Variants in KMT5B observed in about 807,000 individuals in gnomAD.
KMT5B encodes the protein lysine methyltransferase 5B.
In KMT5B, 10 loss-of-function variants were observed where a neutral mutation model predicts 83.2. The observed-to-expected ratio is 0.12, with a 90% confidence interval of 0.07 to 0.20. KMT5B has a LOEUF of 0.20. KMT5B is among the 10% of genes least tolerant of loss of function. The pLI is 1.00. For missense variants in KMT5B, 753 were observed against 1,067.2 expected, an observed-to-expected ratio of 0.71 and a Z score of 4.10; for synonymous variants, 349 against 388.8, an observed-to-expected ratio of 0.90 and a Z score of 1.20.
chr11:68,210,531 T>C (rs1046280477), intron 1 of KMT5B, among the ~76,000 whole-genome samples: 1 of 152,194 alleles, frequency 6.6e-6, no homozygotes, highest in Non-Finnish European at 1.5e-5. Flanking sequence ...CAAACAGTGA[T>C]AGAGCAGAGA....
intron 10 of KMT5B, among the ~76,000 whole-genome samples, chr11:68,161,065 T>G (rs927429828): frequency 6.6e-6 from 1 of 152,166 alleles, no homozygotes; most frequent in African/African-American, 2.4e-5. Flanking sequence ...AAGAACATAC[T>G]TACACATGTG....
At chr11:68,167,608 C>A (rs968882293) in intron 9 of KMT5B, among the ~76,000 whole-genome samples, 1 of 152,046 alleles carries the variant, frequency 6.6e-6, no homozygotes, top group Non-Finnish European at 1.5e-5. Flanking sequence ...GCGTGTAGCA[C>A]CACCACCAGC....
Position 68,182,736 on chromosome 11 carries a change from T to C in KMT5B, c.309-2536A>G, listed in dbSNP as rs566099467. 7.8e-4 allele frequency among the ~76,000 whole-genome samples: 101 copies of C among 129,008 alleles called. 1 individual carries two copies. The highest frequency in any genetic ancestry group is 2.5e-3 in the African/African-American group (91 of 36,348). The allele number at this position is 129,008 out of a possible 152,430, so 84.6% of individuals were successfully genotyped here. On this transcript the variant is annotated intron_variant, in intron 3 of 10. Transcript: ENST00000304363. ...TAAGCCACTAAAACTTTCATTGTAATTTTTTTTTTTTTTTTTTGAGACTGA... is the reference window on the plus strand; with the variant it reads ...TAAGCCACTAAAACTTTCATTGTAACTTTTTTTTTTTTTTTTTGAGACTGA...
At chr11:68,213,455 G>C (rs1861262351), upstream of KMT5B, 1 of 143,096 alleles carries the variant, frequency 7.0e-6, no homozygotes, top group African/African-American at 2.6e-5. Flanking sequence ...CCGCCCCCGC[G>C]CCCCGCCACC....
At chr11:68,165,982 A>T (rs1376357387) in intron 10 of KMT5B, 32 of 1,612,744 alleles carry the variant, frequency 2.0e-5, no homozygotes, top group Non-Finnish European at 2.7e-5. Context: ...TGTTGGGCTG[A>T]AAACATCTGA....
Position 68,155,731 on chromosome 11 carries a change from C to T in KMT5B, c.*1957G>A, listed in dbSNP as rs1001256012. 2.0e-5 allele frequency: 3 copies of T among 152,190 alleles called. No homozygotes were observed. Among genetic ancestry groups the T allele is most frequent in the African/African-American group, 7.2e-5 (3 of 41,392 alleles). 9.4% of individuals were successfully genotyped at this position (152,190 alleles called of 1,614,324 possible). A position where few individuals can be genotyped will look rare whatever the true frequency, so the allele number is the denominator to read the frequency against. ...GCTGGACGTGCTCTGCAAAGTGCTC[C>T]GGGTGCCTCGGACAGGTGCTCCTGA... On this transcript the variant is annotated 3_prime_UTR_variant, in exon 11 of 11. Transcript: ENST00000304363.
At chr11:68,188,024 T>C (rs1857603477) in intron 2 of KMT5B, among the ~76,000 whole-genome samples, 1 of 151,514 alleles carries the variant, frequency 6.6e-6, no homozygotes, top group African/African-American at 2.4e-5. Context: ...ATTTTCCTTT[T>C]TCTTTTTTTT....
At chr11:68,182,292 C>A (rs1327201281) in intron 3 of KMT5B, among the ~76,000 whole-genome samples, 1 of 152,170 alleles carries the variant, frequency 6.6e-6, no homozygotes, top group Admixed American at 6.5e-5. Flanking sequence ...GTTTTAGGAC[C>A]TAGCTATTCC....
chr11:68,157,959 T>C lies in KMT5B; in HGVS notation c.2387A>G (p.His796Arg). 1 of 1,614,174 alleles carries C rather than the reference T, an allele frequency of 6.2e-7. No individual in the cohort carries two copies. Among genetic ancestry groups the C allele is most frequent in the Non-Finnish European group, 8.5e-7 (1 of 1,180,026 alleles). ...ENRGSYTEGL[H>R]ENGVCCSDPL... ...ATCACTGCAGCACACCCCATTTTCA[T>C]GAAGCCCCTCTGTATAAGACCCCCT... The change falls in exon 11 of 11, where the codon CAT (histidine) becomes CGT (arginine). Residue 796 changes from histidine to arginine, a missense_variant. Coordinates refer to ENST00000304363, the MANE Select transcript of KMT5B (RefSeq NM_017635.5).
Position 68,204,559 on chromosome 11 carries a change from G to A in KMT5B, c.-77+8579C>T, listed in dbSNP as rs150850840. Reference sequence around the variant, plus strand: ...GCCAACGCCTTGACTTTGGCCCAGTGAAACTGATGTTGAACTTCTGGCCTC... The same window carrying A: ...GCCAACGCCTTGACTTTGGCCCAGTAAAACTGATGTTGAACTTCTGGCCTC... On this transcript the variant is annotated intron_variant, in intron 1 of 10. Coordinates refer to ENST00000304363, the MANE Select transcript of KMT5B (RefSeq NM_017635.5). Among the ~76,000 whole-genome samples, 26 of 149,754 alleles carry A rather than the reference G, an allele frequency of 1.7e-4. No individual in the cohort carries two copies. In the East Asian group the frequency reaches 5.0e-3, roughly 29 times the overall value.
chr11:68,212,150 T>C (rs1038485366), intron 1 of KMT5B, among the ~76,000 whole-genome samples: 1 of 152,216 alleles, frequency 6.6e-6, no homozygotes, highest in Middle Eastern at 3.2e-3. Context: ...AAAAAAGTTA[T>C]AGCTGGCAAC....
intron 10 of KMT5B, among the ~76,000 whole-genome samples, chr11:68,161,781 C>T (rs993108519): frequency 1.1e-4 from 17 of 152,290 alleles, no homozygotes; most frequent in African/African-American, 4.1e-4. Context: ...GACTGTTCTT[C>T]TTCAGGTCTG....
At chr11:68,196,395 T>C (rs1858715200) in intron 1 of KMT5B, among the ~76,000 whole-genome samples, 1 of 150,752 alleles carries the variant, frequency 6.6e-6, no homozygotes, top group African/African-American at 2.4e-5. Context: ...ATTGTTTAAG[T>C]GTCTGCTTCC....
chr11:68,207,053 T>C (rs372403002), intron 1 of KMT5B, among the ~76,000 whole-genome samples: 5,294 of 125,456 alleles, frequency 0.042, no homozygotes, highest in Non-Finnish European at 0.065. Flanking sequence ...CCATCCTGGC[T>C]AACACGGTGA....
intron 1 of KMT5B, among the ~76,000 whole-genome samples, chr11:68,212,152 G>A (rs569199658): frequency 6.6e-6 from 1 of 152,230 alleles, no homozygotes; most frequent in East Asian, 1.9e-4. Context: ...AAAAGTTATA[G>A]CTGGCAACTG....
intron 3 of KMT5B, among the ~76,000 whole-genome samples, 162 bp from the exon 4 acceptor site, chr11:68,180,362 A>C (rs180949658): frequency 3.3e-5 from 5 of 152,336 alleles, no homozygotes; most frequent in African/African-American, 1.2e-4. Flanking sequence ...GCAGGATAGA[A>C]GCCATGCTGC....
rs200623502 is a variant in KMT5B, at chr11:68,159,126, C to T, written c.1220G>A (p.Ser407Asn). The T allele has an allele frequency of 1.4e-4, 228 of 1,584,284 alleles. No homozygotes were observed. The highest frequency in any genetic ancestry group is 1.9e-4 in the Non-Finnish European group (223 of 1,172,034). The change falls in exon 11 of 11, where the codon AGC becomes AAC. Residue 407 changes from serine (S) to asparagine (N), a missense_variant. By Grantham distance (46) the Ser-to-Asn change is conservative (BLOSUM62 1). Around this residue, in one of 9 missense-constraint regions of KMT5B, gnomAD observed 397 missense variants for 395.9 expected, o/e 1.00. Transcript: ENST00000304363. ...SSVGVKKNSKSRTLTRQSMSR... is the reference protein window; with the variant it reads ...SSVGVKKNSKNRTLTRQSMSR... ...CATAGATTGCCTCGTTAACGTTCTG[C>T]TCTTGCTATTCTTTTTTACGCCAAC...
At chr11:68,165,951 G>C in intron 10 of KMT5B, 1 of 1,612,890 alleles carries the variant, frequency 6.2e-7, no homozygotes, top group South Asian at 1.1e-5. Context: ...AGGATTCTCT[G>C]TAGTGGAAGA....
intron 1 of KMT5B, among the ~76,000 whole-genome samples, chr11:68,201,930 A>T (rs943599958): frequency 6.6e-6 from 1 of 151,860 alleles, no homozygotes; most frequent in African/African-American, 2.4e-5. Flanking sequence ...AAAAAAAAAA[A>T]AAAAAAAAAT....
Sources: gnomAD v4.1 joint callset for allele counts (sites outside exome capture counted in the v4.1 genomes callset) on GRCh38, gnomAD v4.1.1 for gene constraint, gnomAD v4.1.1 regional missense constraint, MANE v1.5 for transcripts, NCBI Gene and HGNC (gene_info 2026-07-23, HGNC 2026-07-21) for gene names.